Variants in ITGA8 observed in about 807,000 individuals in gnomAD.
ITGA8 encodes integrin alpha-8.
Under a neutral mutation model 142.3 loss-of-function variants are expected in ITGA8, and 91 were observed. The ratio of observed to expected loss-of-function variants is 0.64; its 90% confidence interval spans 0.54 to 0.76. The LOEUF is 0.76. ITGA8 is among the 30% of genes least tolerant of loss of function. The probability of loss-of-function intolerance (pLI) is 0.00; values close to 1 mark genes in which losing one functional copy is unlikely to be tolerated. For missense variants in ITGA8, 1,406 were observed against 1,327.7 expected (o/e 1.06, Z -0.92); for synonymous variants, 505 against 485.2 (o/e 1.04, Z -0.54).
chr10:15,630,635 G>A (rs1438442949), intron 13 of ITGA8, among the ~76,000 whole-genome samples: 7 of 151,974 alleles, frequency 4.6e-5, no homozygotes, highest in African/African-American at 1.7e-4. Context: ...AATGGCCAGG[G>A]CACAGAGAGA....
At chr10:15,666,403 T>A (rs2131678767) in intron 8 of ITGA8, among the ~76,000 whole-genome samples, 1 of 152,346 alleles carries the variant, frequency 6.6e-6, no homozygotes, top group East Asian at 1.9e-4. Flanking sequence ...GCTTATCAGC[T>A]TGAGGAGATT....
At chr10:15,676,091 C>A (rs1013296591) in intron 6 of ITGA8, among the ~76,000 whole-genome samples, 4 of 152,040 alleles carry the variant, frequency 2.6e-5, no homozygotes, top group African/African-American at 9.7e-5. Flanking sequence ...TCCATACCAC[C>A]CAAGCTCTTC....
At chr10:15,692,456 A>G (rs1006979858) in intron 2 of ITGA8, among the ~76,000 whole-genome samples, 2 of 148,986 alleles carry the variant, frequency 1.3e-5, no homozygotes, top group Non-Finnish European at 3.0e-5. Context: ...GGTATCCTTG[A>G]ATCTACACTT....
intron 13 of ITGA8, among the ~76,000 whole-genome samples, chr10:15,621,902 A>C (rs958134434): frequency 5.3e-5 from 8 of 152,084 alleles, no homozygotes; most frequent in African/African-American, 1.9e-4. Context: ...TCATGCCTGT[A>C]ATCCCAGCAA....
chr10:15,571,207 T>C (rs1834176264), intron 25 of ITGA8, among the ~76,000 whole-genome samples: 1 of 152,110 alleles, frequency 6.6e-6, no homozygotes, highest in South Asian at 2.1e-4. Context: ...ATAGGAGGCA[T>C]GTTGGGTTGA....
chr10:15,527,024 G>A (rs1039270111), intron 28 of ITGA8, among the ~76,000 whole-genome samples: 4 of 152,100 alleles, frequency 2.6e-5, no homozygotes, highest in South Asian at 4.1e-4. Flanking sequence ...TAATGTTGAC[G>A]TCTCTATTTA....
At chr10:15,672,031 T>G (rs1379782321) in intron 7 of ITGA8, among the ~76,000 whole-genome samples, 1 of 152,196 alleles carries the variant, frequency 6.6e-6, no homozygotes, top group Non-Finnish European at 1.5e-5. Flanking sequence ...AAAGATTTCC[T>G]TTGGGCTCAG....
intron 25 of ITGA8, among the ~76,000 whole-genome samples, chr10:15,571,887 A>G (rs1388240690): frequency 6.6e-6 from 1 of 152,186 alleles, no homozygotes; most frequent in Non-Finnish European, 1.5e-5. Context: ...ATTTTATACT[A>G]ATTCTCCCAG....
At chr10:15,546,007 A>C (rs535251713) in intron 27 of ITGA8, among the ~76,000 whole-genome samples, 1 of 152,202 alleles carries the variant, frequency 6.6e-6, no homozygotes, top group East Asian at 1.9e-4. Flanking sequence ...TTGTTCCTCA[A>C]ACATGTCTAA....
chr10:15,530,541 C>CAAAAAAAAAAAAAA lies in ITGA8; in HGVS notation c.2982+495_2982+508dup, dbSNP rs57521125. 2.7e-5 allele frequency among the ~76,000 whole-genome samples: 2 copies of CAAAAAAAAAAAAAA among 75,212 alleles called. 1 individual carries two copies. The allele number at this position is 75,212 out of a possible 152,430, so 49.3% of individuals were successfully genotyped here. On this transcript the variant is annotated intron_variant, in intron 28 of 29. Coordinates refer to ENST00000378076, the MANE Select transcript of ITGA8 (RefSeq NM_003638.3). ...AACCTGGGCGACAGAGCGAGACTCT[C>CAAAAAAAAAAAAAA]AAAAAAAAAAAAAAAAAAAAAAGAC...
intron 28 of ITGA8, among the ~76,000 whole-genome samples, chr10:15,529,015 TCCTC>T (rs1268550963): frequency 7.4e-6 from 1 of 135,622 alleles, no homozygotes; most frequent in Non-Finnish European, 1.6e-5. Context: ...TCCCCTTCCT[TCCTC>T]CCTGTCTCCC....
intron 23 of ITGA8, among the ~76,000 whole-genome samples, chr10:15,583,805 G>A (rs1834460702): frequency 6.6e-6 from 1 of 151,996 alleles, no homozygotes; most frequent in Admixed American, 6.6e-5. Context: ...TCTTCAACTG[G>A]ACACCTAAAA....
intron 23 of ITGA8, among the ~76,000 whole-genome samples, chr10:15,585,101 G>A (rs1832799865): frequency 6.6e-6 from 1 of 152,166 alleles, no homozygotes; most frequent in Admixed American, 6.5e-5. Flanking sequence ...GTTGACATGA[G>A]TGAATTACAG....
At chr10:15,524,274 G>A (rs952550925) in intron 28 of ITGA8, among the ~76,000 whole-genome samples, 3 of 152,198 alleles carry the variant, frequency 2.0e-5, no homozygotes, top group Non-Finnish European at 4.4e-5. Context: ...AGTAAGAACA[G>A]TGGAAATACA....
At chr10:15,694,257 T>TATACATCAGATAATATATC (rs1164559880) in intron 2 of ITGA8, among the ~76,000 whole-genome samples, 17 of 95,384 alleles carry the variant, frequency 1.8e-4, no homozygotes, top group Non-Finnish European at 3.2e-4. Context: ...TATGATAACA[T>TATACATCAGATAATATATC]ATACATCAGA....
In ITGA8 at chr10:15,516,472, G is replaced by T. The variant is rs753122049; in HGVS notation, c.*686C>A. The T allele has an allele frequency of 9.9e-5, 15 of 152,196 alleles. No homozygotes were observed. The highest frequency in any genetic ancestry group is 1.9e-4 in the Non-Finnish European group (13 of 68,042). 9.4% of individuals were successfully genotyped at this position (152,196 alleles called of 1,614,324 possible). A position where few individuals can be genotyped will look rare whatever the true frequency, so the allele number is the denominator to read the frequency against. The stretch of plus-strand genomic sequence containing the variant: ...ATCTGCACACAGTGGTTCTTAGGAG[G>T]AAACTGAGTGAGTGATTTTGAAAAC... On this transcript the variant is annotated 3_prime_UTR_variant, in exon 30 of 30. Transcript: ENST00000378076.
chr10:15,665,222 A>G (rs1834364858), intron 8 of ITGA8, among the ~76,000 whole-genome samples: 1 of 152,150 alleles, frequency 6.6e-6, no homozygotes, highest in Non-Finnish European at 1.5e-5. Context: ...CTATTGTGAG[A>G]TGGTATCTCA....
chr10:15,679,035 A>G lies in ITGA8; in HGVS notation c.569-252T>C, dbSNP rs890244447. ...GAATAACATCCCTTTTGGCTACTCT[A>G]TTGGGTTTTATGACTCACTTTCATT... On this transcript the variant is annotated intron_variant, in intron 4 of 29. Coordinates refer to ENST00000378076, the MANE Select transcript of ITGA8 (RefSeq NM_003638.3). Among the ~76,000 whole-genome samples, 17 of 152,116 alleles carry G rather than the reference A, an allele frequency of 1.1e-4. 1 individual carries two copies. The highest frequency in any genetic ancestry group is 3.2e-3 in the Middle Eastern group (1 of 316).
chr10:15,545,991 C>T (rs12411617), intron 27 of ITGA8, among the ~76,000 whole-genome samples: 1,974 of 152,292 alleles, frequency 0.013, 167 homozygotes, highest in Admixed American at 0.12. Flanking sequence ...ACACACTGGT[C>T]TCCATTTGTT....
Sources: gnomAD v4.1 joint callset for allele counts (sites outside exome capture counted in the v4.1 genomes callset) on GRCh38, gnomAD v4.1.1 for gene constraint, MANE v1.5 for transcripts, NCBI Gene and HGNC (gene_info 2026-07-23, HGNC 2026-07-21) for gene names.